CCDC178: variants seen among roughly 807,000 people sequenced by gnomAD.
CCDC178 encodes the protein coiled-coil domain containing 178, also known as coiled-coil domain-containing protein 178.
Under a neutral mutation model 117.4 loss-of-function variants are expected in CCDC178, and 126 were observed. That is an observed-to-expected ratio of 1.07 (90% confidence interval 0.93 to 1.24). The LOEUF (loss-of-function observed/expected upper bound fraction) is 1.24. CCDC178 is among the 50% of genes most tolerant of loss of function. The pLI is 0.00. For missense variants in CCDC178, 1,030 were observed against 986.9 expected (o/e 1.04, Z -0.59); for synonymous variants, 283 against 313.4 (o/e 0.90, Z 1.02).
At chr18:33,229,728 T>C (rs2059349067) in intron 15 of CCDC178, among the ~76,000 whole-genome samples, 2 of 152,178 alleles carry the variant, frequency 1.3e-5, no homozygotes, top group South Asian at 4.1e-4. Context: ...CCTTTTCTTG[T>C]AGGGCCTCCT....
At chr18:33,034,879 C>A (rs2056413595) in intron 21 of CCDC178, among the ~76,000 whole-genome samples, 2 of 151,950 alleles carry the variant, frequency 1.3e-5, no homozygotes, top group Admixed American at 1.3e-4. Flanking sequence ...GTACATTACA[C>A]ACTCATTCAA....
intron 9 of CCDC178, among the ~76,000 whole-genome samples, chr18:33,342,811 G>T (rs1376234307): frequency 1.3e-5 from 2 of 152,168 alleles, no homozygotes; most frequent in Non-Finnish European, 2.9e-5. Context: ...TTGTTACAAA[G>T]CACAATTGTA....
At chr18:33,115,992 T>C (rs1422977604) in intron 20 of CCDC178, among the ~76,000 whole-genome samples, 1 of 152,168 alleles carries the variant, frequency 6.6e-6, no homozygotes. Flanking sequence ...TTGAAACTTT[T>C]AAAATAAAAA....
rs2062693409 is a variant in CCDC178, at chr18:33,333,177, CA to C, written c.875del (p.Met292ArgfsTer3). The C allele has an allele frequency of 6.5e-7, 1 of 1,544,196 alleles. No homozygotes were observed. Among genetic ancestry groups the C allele is most frequent in the South Asian group, 1.2e-5 (1 of 84,392 alleles). On this transcript the variant is annotated frameshift_variant, in exon 10 of 23. Transcript: ENST00000383096. LOFTEE classifies it high-confidence loss of function. Reference protein sequence around the residue: ...QDLKNHYKKKMEVMDLHRKVN... With the variant: ...QDLKNHYKKKXEVMDLHRKVN... ...GCTCATGCATTCGTTTATTTACCTC[CA>C]TTTTTTTTTTATAATGGTTCTTCAG...
chr18:33,241,125 G>T (rs1189682184), intron 15 of CCDC178, among the ~76,000 whole-genome samples: 1 of 151,910 alleles, frequency 6.6e-6, no homozygotes, highest in East Asian at 1.9e-4. Context: ...TGCAGAAAAA[G>T]CATTTTATAA....
At chr18:33,354,100 A>C (rs2063018136) in intron 7 of CCDC178, among the ~76,000 whole-genome samples, 1 of 152,090 alleles carries the variant, frequency 6.6e-6, no homozygotes. Flanking sequence ...GCATTTAAAT[A>C]TGTCACCCCA....
intron 3 of CCDC178, among the ~76,000 whole-genome samples, chr18:33,410,597 C>T (rs1021392650): frequency 1.3e-5 from 2 of 152,222 alleles, no homozygotes; most frequent in Non-Finnish European, 2.9e-5. Flanking sequence ...ACCTTATTCA[C>T]GTTTGGAATT....
Position 32,952,256 on chromosome 18 carries a change from C to T in CCDC178, c.2524-14165G>A, listed in dbSNP as rs181341545. On this transcript the variant is annotated intron_variant, in intron 22 of 22. Coordinates refer to ENST00000383096, the MANE Select transcript of CCDC178 (RefSeq NM_001105528.4). ...ACTTCACATTTCCCTTCTGCACTGC[C>T]CTAGCAGAAGTTCTCCATGAGGGCT... Among the ~76,000 whole-genome samples, 375 of 152,356 alleles carry T rather than the reference C, an allele frequency of 2.5e-3. 3 individuals carry two copies. Among genetic ancestry groups the T allele is most frequent in the African/African-American group, 8.5e-3 (354 of 41,588 alleles).
intron 14 of CCDC178, among the ~76,000 whole-genome samples, chr18:33,254,051 C>T (rs2059648049): frequency 1.3e-5 from 2 of 151,322 alleles, no homozygotes; most frequent in Admixed American, 6.6e-5. Context: ...AGATGACGCA[C>T]AATGAGAGGG....
intron 20 of CCDC178, among the ~76,000 whole-genome samples, chr18:33,120,061 G>A (rs1232431561): frequency 2.0e-5 from 3 of 152,038 alleles, no homozygotes; most frequent in Non-Finnish European, 4.4e-5. Flanking sequence ...GGGAGGGATA[G>A]CATTAGGAGA....
intron 2 of CCDC178, among the ~76,000 whole-genome samples, chr18:33,431,330 T>C (rs1390830314): frequency 1.3e-5 from 2 of 151,810 alleles, no homozygotes; most frequent in Admixed American, 6.6e-5. Flanking sequence ...ACAACTTCCT[T>C]AGAATATCTG....
chr18:33,135,761 G>A (rs531879225), intron 20 of CCDC178, among the ~76,000 whole-genome samples: 1 of 152,248 alleles, frequency 6.6e-6, no homozygotes, highest in African/African-American at 2.4e-5. Flanking sequence ...TTTTTGGGTA[G>A]CCCACCTAGC....
chr18:33,217,090 C>T (rs2059175523), intron 18 of CCDC178, among the ~76,000 whole-genome samples: 1 of 152,052 alleles, frequency 6.6e-6, no homozygotes, highest in African/African-American at 2.4e-5. Flanking sequence ...TATTTATGAT[C>T]TGGTCATCTA....
At chr18:33,223,916 C>T (rs1242309534) in intron 17 of CCDC178, among the ~76,000 whole-genome samples, 1 of 152,044 alleles carries the variant, frequency 6.6e-6, no homozygotes. Context: ...TTGTTGTTTC[C>T]ATGCTTCATG....
At chr18:33,020,293 T>C (rs2056087234) in intron 21 of CCDC178, among the ~76,000 whole-genome samples, 1 of 152,004 alleles carries the variant, frequency 6.6e-6, no homozygotes, top group Non-Finnish European at 1.5e-5. Flanking sequence ...TCATTCTCCC[T>C]GAAAGTTGTG....
intron 20 of CCDC178, among the ~76,000 whole-genome samples, chr18:33,170,020 T>C (rs768198435): frequency 2.6e-5 from 4 of 151,994 alleles, no homozygotes; most frequent in Admixed American, 6.6e-5. Flanking sequence ...TTCATTAAGT[T>C]CAAAGATGTC....
chr18:32,962,877 T>C (rs1266503102), intron 22 of CCDC178, among the ~76,000 whole-genome samples: 1 of 152,084 alleles, frequency 6.6e-6, no homozygotes, highest in Non-Finnish European at 1.5e-5. Flanking sequence ...AAAAAATACC[T>C]AAGAAGTGCA....
intron 20 of CCDC178, among the ~76,000 whole-genome samples, chr18:33,184,396 A>G (rs1037314454): frequency 2.6e-5 from 4 of 152,012 alleles, no homozygotes; most frequent in Non-Finnish European, 5.9e-5. Flanking sequence ...AACCAAAGCT[A>G]TGACTCAGTG....
chr18:33,241,527 T>C (rs1430850445), intron 15 of CCDC178, among the ~76,000 whole-genome samples: 2 of 151,134 alleles, frequency 1.3e-5, no homozygotes, highest in Non-Finnish European at 3.0e-5. Context: ...AGTTGCGAGA[T>C]ATAAAGTCAA....
Sources: gnomAD v4.1 joint callset for allele counts (sites outside exome capture counted in the v4.1 genomes callset) on GRCh38, gnomAD v4.1.1 for gene constraint, MANE v1.5 for transcripts, NCBI Gene and HGNC (gene_info 2026-07-23, HGNC 2026-07-21) for gene names.